The following NEK10 variants were observed in gnomAD, a reference collection of about 807,000 sequenced individuals.
NEK10 encodes the protein serine/threonine-protein kinase Nek10.
Under a neutral mutation model 159.8 loss-of-function variants are expected in NEK10, and 122 were observed. That is an observed-to-expected ratio of 0.76 (90% CI 0.66 to 0.89). The LOEUF is 0.89. Among genes scored for constraint, NEK10 ranks in the 40% least tolerant of loss-of-function variants. The probability of loss-of-function intolerance (pLI) is 0.00; values close to 1 mark genes in which losing one functional copy is unlikely to be tolerated. For missense variants in NEK10, 1,342 were observed against 1,323.1 expected (o/e 1.01, Z -0.22); for synonymous variants, 466 against 457.1 (o/e 1.02, Z -0.25).
intron 23 of NEK10, among the ~76,000 whole-genome samples, chr3:27,217,648 T>C (rs769371411): frequency 6.6e-6 from 1 of 152,136 alleles, no homozygotes; most frequent in Non-Finnish European, 1.5e-5. Context: ...ACTCATTCTG[T>C]GAGGTCAGTA....
intron 30 of NEK10, among the ~76,000 whole-genome samples, chr3:27,155,027 A>G (rs987872611): frequency 4.6e-5 from 7 of 152,164 alleles, no homozygotes; most frequent in Non-Finnish European, 8.8e-5. Flanking sequence ...TGCTGTCAAT[A>G]TGATCATTTA....
At chr3:27,213,809 A>G (rs1486169136) in intron 23 of NEK10, among the ~76,000 whole-genome samples, 2 of 150,512 alleles carry the variant, frequency 1.3e-5, no homozygotes, top group Non-Finnish European at 3.0e-5. Context: ...AAAGTATTTT[A>G]CCCCAAAATA....
At chr3:27,324,601 C>T (rs1331389095) in intron 5 of NEK10, among the ~76,000 whole-genome samples, 2 of 152,120 alleles carry the variant, frequency 1.3e-5, no homozygotes, top group Non-Finnish European at 2.9e-5. Context: ...TTTCCTCCAC[C>T]ACCACCCAGG....
At chr3:27,318,704 G>A (rs2149639090) in intron 6 of NEK10, among the ~76,000 whole-genome samples, 1 of 152,304 alleles carries the variant, frequency 6.6e-6, no homozygotes. Context: ...TGGAATCCCT[G>A]AAAGGGTTTC....
At chr3:27,295,500 T>G in intron 15 of NEK10, 113 bp downstream of exon 15, 1 of 1,241,978 alleles carries the variant, frequency 8.1e-7, no homozygotes, top group Non-Finnish European at 1.0e-6. Context: ...TCCCTCATAG[T>G]CAGTACAGGG....
Position 27,141,546 on chromosome 3 carries a change from C to T in NEK10, c.2906G>A (p.Arg969His), listed in dbSNP as rs145266135. ...CTGCTGAATAGGATCACTGATCTGA[C>T]GCACTTTCCTCTGGGACACAGCAAT... ...AGIAVSQRKVRQISDPIQQIL... is the reference protein window; with the variant it reads ...AGIAVSQRKVHQISDPIQQIL... Residue 969 changes from arginine (R) to histidine (H), a missense_variant, in exon 31 of 36, where the codon CGT becomes CAT. Arg to His is a conservative substitution (Grantham distance 29). Transcript: ENST00000691995. The T allele has an allele frequency of 3.6e-4, 575 of 1,613,302 alleles. 4 individuals carry two copies. In the African/African-American group the frequency reaches 6.2e-3, roughly 18 times the overall value.
intron 26 of NEK10, among the ~76,000 whole-genome samples, chr3:27,183,237 A>C (rs1208611193): frequency 1.3e-5 from 2 of 151,770 alleles, no homozygotes; most frequent in South Asian, 2.1e-4. Context: ...AAACTTTAAA[A>C]TTTAAAATTT....
intron 22 of NEK10, among the ~76,000 whole-genome samples, chr3:27,281,257 G>A (rs2042139566): frequency 6.6e-6 from 1 of 151,962 alleles, no homozygotes. Flanking sequence ...TGAAAACAGA[G>A]AGAGCAGAGG....
In NEK10 at chr3:27,202,556, G is replaced by A; in HGVS notation, c.2092C>T (p.Pro698Ser). Residue 698 changes from proline (P) to serine (S), a missense_variant and splice_region_variant, in exon 24 of 36, where the codon CCC (proline) becomes TCC (serine). By Grantham distance (74) the Pro-to-Ser change is moderately conservative. Transcript: ENST00000691995. ...SVVGTILYSC[P>S]EVLKSEPYGE... is the part of the protein sequence containing the mutation. Reference sequence around the variant, plus strand: ...TACGGCTCACTCTTCAGTACCTCGGGGCTGAAGTAAAATAAGGACATTAAT... The same window carrying A: ...TACGGCTCACTCTTCAGTACCTCGGAGCTGAAGTAAAATAAGGACATTAAT... The A allele has an allele frequency of 6.3e-7, 1 of 1,597,694 alleles. No individual in the cohort carries two copies. Among genetic ancestry groups the A allele is most frequent in the Admixed American group, 1.7e-5 (1 of 58,846 alleles).
Position 27,118,235 on chromosome 3 carries a change from T to G in NEK10, c.3190+1525A>C, listed in dbSNP as rs566956309. Among the ~76,000 whole-genome samples the G allele has an allele frequency of 2.0e-5, 3 of 152,352 alleles. No homozygotes were observed. In the East Asian group the frequency reaches 5.8e-4, roughly 29 times the overall value. On this transcript the variant is annotated intron_variant, in intron 33 of 35. Transcript: ENST00000691995. ...GTTACTAAAGCCTTGTAGTATAGTT[T>G]GAAGTCAGGTAATGTGATGCCTCCA...
intron 29 of NEK10, among the ~76,000 whole-genome samples, chr3:27,166,710 A>C (rs1946518060): frequency 6.6e-6 from 1 of 152,094 alleles, no homozygotes; most frequent in Non-Finnish European, 1.5e-5. Context: ...CTGCAATCCT[A>C]CCACTTTGGG....
At chr3:27,363,791 C>T (rs1197234965) in intron 1 of NEK10, 1 of 152,158 alleles carries the variant, frequency 6.6e-6, no homozygotes, top group Non-Finnish European at 1.5e-5. Context: ...ATGCCACTGT[C>T]TCCACTGATG....
chr3:27,178,909 C>A (rs1399122417), intron 26 of NEK10, among the ~76,000 whole-genome samples: 1 of 152,190 alleles, frequency 6.6e-6, no homozygotes, highest in African/African-American at 2.4e-5. Context: ...AGATGGAAAT[C>A]TTTAATCTTT....
At chr3:27,253,993 C>G (rs991268817) in intron 23 of NEK10, among the ~76,000 whole-genome samples, 1 of 152,048 alleles carries the variant, frequency 6.6e-6, no homozygotes, top group Non-Finnish European at 1.5e-5. Flanking sequence ...CATAAGCTCC[C>G]CAGAGCAGCC....
At chr3:27,257,449 T>G (rs905341346) in intron 22 of NEK10, among the ~76,000 whole-genome samples, 2 of 152,218 alleles carry the variant, frequency 1.3e-5, no homozygotes, top group Non-Finnish European at 2.9e-5. Context: ...GGAACAAACT[T>G]CAATGCAGTA....
intron 31 of NEK10, among the ~76,000 whole-genome samples, chr3:27,139,496 T>C (rs1943564006): frequency 6.6e-6 from 1 of 152,142 alleles, no homozygotes; most frequent in Non-Finnish European, 1.5e-5. Flanking sequence ...TGCAAGATTT[T>C]GCTATTACAT....
chr3:27,262,265 T>C (rs2149355487), intron 22 of NEK10, among the ~76,000 whole-genome samples: 1 of 152,354 alleles, frequency 6.6e-6, no homozygotes, highest in Admixed American at 6.5e-5. Context: ...GCCCTTAACA[T>C]TTTTTCCTTC....
Position 27,111,328 on chromosome 3 carries a change from A to G in NEK10, c.3300-8T>C. 6.3e-7 allele frequency: 1 copy of G among 1,575,906 alleles called. No homozygotes were observed. Among genetic ancestry groups the G allele is most frequent in the South Asian group, 1.2e-5 (1 of 85,196 alleles). On this transcript the variant is annotated splice_polypyrimidine_tract_variant and splice_region_variant and intron_variant, in intron 35 of 35. Coordinates refer to ENST00000691995, the MANE Select transcript of NEK10 (RefSeq NM_001394966.1). The stretch of plus-strand genomic sequence containing the variant: ...CATGGATAGGAATGATACCTATAAG[A>G]TTCAGAAGTGGAAAGAATTCTCTAT...
intron 23 of NEK10, among the ~76,000 whole-genome samples, chr3:27,235,433 G>A (rs1170489249): frequency 3.3e-5 from 5 of 151,804 alleles, no homozygotes; most frequent in Non-Finnish European, 5.9e-5. Flanking sequence ...AACAAACAAC[G>A]CCATTAAAAA....
Sources: gnomAD v4.1 joint callset for allele counts (sites outside exome capture counted in the v4.1 genomes callset) on GRCh38, gnomAD v4.1.1 for gene constraint, MANE v1.5 for transcripts, NCBI Gene and HGNC (gene_info 2026-07-23, HGNC 2026-07-21) for gene names.